UNC13A: variants seen among roughly 807,000 people sequenced by gnomAD.
UNC13A encodes the protein unc-13 homolog A, also known as protein unc-13 homolog A.
A neutral mutation model predicts 219.7 loss-of-function variants in UNC13A; 61 were observed. The observed-to-expected ratio is 0.28, with a 90% CI of 0.23 to 0.34. The LOEUF (loss-of-function observed/expected upper bound fraction) is 0.34. Among genes scored for constraint, UNC13A ranks in the 10% least tolerant of loss-of-function variants. The pLI is 1.00. For missense variants in UNC13A, 1,476 were observed against 2,270.3 expected (o/e 0.65, Z 7.11); for synonymous variants, 920 against 884.6 (o/e 1.04, Z -0.71).
intron 43 of UNC13A, among the ~76,000 whole-genome samples, chr19:17,608,346 TTA>T (rs2076558260): frequency 7.7e-6 from 1 of 129,796 alleles, no homozygotes; most frequent in East Asian, 2.0e-4. Context: ...ATATATAATT[TTA>T]TATATAATAT....
At position 17,686,298 on chromosome 19, in the gene UNC13A, G is replaced by GCCCCCCC. The variant is rs533722538; in HGVS notation, c.22+1873_22+1879dup. ...CGTCAGAGTTAAGGGTGAGATCCCC[G>GCCCCCCC]CCCCCCCCCCCCCCCCCCCACTCCA... is the stretch of plus-strand genomic sequence containing the variant. On this transcript the variant is annotated intron_variant, in intron 1 of 43. Coordinates refer to ENST00000519716, the MANE Select transcript of UNC13A (RefSeq NM_001080421.3). Among the ~76,000 whole-genome samples the GCCCCCCC allele has an allele frequency of 3.0e-3, 244 of 81,716 alleles. 31 individuals carry two copies. Among genetic ancestry groups the GCCCCCCC allele is most frequent in the East Asian group, 5.2e-3 (3 of 574 alleles). 53.6% of individuals were successfully genotyped at this position (81,716 alleles called of 152,430 possible).
At position 17,641,554 on chromosome 19, in the gene UNC13A, G is replaced by C; in HGVS notation, c.2475C>G (p.Asn825Lys). ...GCACGTCGGTCACGAAGTGGAACAGGTTCTGCCACCATGGGAGAGAAAGTG... is the reference window on the plus strand; with the variant it reads ...GCACGTCGGTCACGAAGTGGAACAGCTTCTGCCACCATGGGAGAGAAAGTG... ...YHVQYTCLHE[N>K]LFHFVTDVQN... Residue 825 changes from asparagine to lysine, a missense_variant and splice_region_variant, in exon 21 of 44, where the codon AAC becomes AAG. Around this residue, in one of 14 missense-constraint regions of UNC13A, gnomAD observed 140 missense variants for 270.9 expected, o/e 0.52. Coordinates refer to ENST00000519716, the MANE Select transcript of UNC13A (RefSeq NM_001080421.3). 2 of 1,613,934 alleles carry C rather than the reference G, an allele frequency of 1.2e-6. No homozygotes were observed. Among genetic ancestry groups the C allele is most frequent in the Non-Finnish European group, 1.7e-6 (2 of 1,179,852 alleles).
intron 42 of UNC13A, 61 bp downstream of exon 42, chr19:17,611,702 C>T (rs1360347379): frequency 5.4e-6 from 8 of 1,474,576 alleles, no homozygotes; most frequent in Non-Finnish European, 5.7e-6. Context: ...TTGCTTAAGC[C>T]AGTTTGAGTT....
intron 41 of UNC13A, chr19:17,616,383 G>A (rs867086143): frequency 2.9e-6 from 2 of 691,760 alleles, no homozygotes; most frequent in South Asian, 3.0e-5. Context: ...GGCGCGGGCG[G>A]CGGGCGGGAG....
chr19:17,610,686 C>G (rs1381269642), intron 42 of UNC13A, among the ~76,000 whole-genome samples: 2 of 152,134 alleles, frequency 1.3e-5, no homozygotes, highest in Non-Finnish European at 2.9e-5. Flanking sequence ...TAGCCGCAGT[C>G]TGCAATGCTT....
intron 31 of UNC13A, among the ~76,000 whole-genome samples, chr19:17,628,638 T>C (rs2076809566): frequency 6.6e-6 from 1 of 152,102 alleles, no homozygotes; most frequent in Non-Finnish European, 1.5e-5. Flanking sequence ...ATGTGTTGTA[T>C]AGTTGAACAC....
chr19:17,676,055 C>G lies in UNC13A; in HGVS notation c.23-14G>C. The G allele has an allele frequency of 6.4e-7, 1 of 1,551,282 alleles. No homozygotes were observed. The highest frequency in any genetic ancestry group is 1.4e-5 in the African/African-American group (1 of 72,930). ...TGGCTTTTTTGACTGTGGAGAGAGA[C>G]AGAGATAGGGAAGGGAGGTGGGGAG... On this transcript the variant is annotated splice_polypyrimidine_tract_variant and intron_variant, in intron 1 of 43. Coordinates refer to ENST00000519716, the MANE Select transcript of UNC13A (RefSeq NM_001080421.3).
At chr19:17,626,507 G>A (rs1231039502) in intron 34 of UNC13A, 126 bp downstream of exon 34, 2 of 1,043,676 alleles carry the variant, frequency 1.9e-6, no homozygotes, top group African/African-American at 3.2e-5. Flanking sequence ...CATCTACTCA[G>A]CCATCCAACT....
Position 17,605,735 on chromosome 19 carries a change from T to G in UNC13A, c.*319A>C. ...GCCTCCCGGTACCAGAGCCCCGGGA[T>G]GTGGCCTCCTCCATAGGGACGAGGT... On this transcript the variant is annotated 3_prime_UTR_variant, in exon 44 of 44. Transcript: ENST00000519716. 1.4e-5 allele frequency: 4 copies of G among 294,242 alleles called. No individual in the cohort carries two copies. Among genetic ancestry groups the G allele is most frequent in the Non-Finnish European group, 1.9e-5 (3 of 159,772 alleles). The allele number at this position is 294,242 out of a possible 1,614,324, so 18.2% of individuals were successfully genotyped here.
intron 17 of UNC13A, among the ~76,000 whole-genome samples, 176 bp from the exon 18 acceptor site, chr19:17,646,287 G>C (rs1448201260): frequency 6.6e-6 from 1 of 151,998 alleles, no homozygotes; most frequent in African/African-American, 2.4e-5. Context: ...TTGTTTGTTT[G>C]TTTGTTTTTG....
chr19:17,631,550 A>G (rs1463981585), intron 28 of UNC13A, among the ~76,000 whole-genome samples: 2 of 151,958 alleles, frequency 1.3e-5, no homozygotes, highest in Non-Finnish European at 2.9e-5. Flanking sequence ...CTTGTACAAC[A>G]GAAGACTAGC....
rs561020979 is a variant in UNC13A, at chr19:17,613,524, T to G, written c.4559-1669A>C. ...CCAATAGTGGCCCTTTCCAATAGGT[T>G]ACTATTACCTCTCCCCACTCACCCC... On this transcript the variant is annotated intron_variant, in intron 41 of 43. Transcript: ENST00000519716. Among the ~76,000 whole-genome samples, 23 of 152,108 alleles carry G rather than the reference T, an allele frequency of 1.5e-4. No individual in the cohort carries two copies. In the South Asian group the frequency reaches 4.4e-3, roughly 29 times the overall value.
intron 6 of UNC13A, among the ~76,000 whole-genome samples, chr19:17,667,622 C>T (rs1273118152): frequency 2.0e-5 from 3 of 151,822 alleles, no homozygotes; most frequent in South Asian, 2.1e-4. Flanking sequence ...GACAGGCGCC[C>T]GCCACCATGC....
Position 17,655,820 on chromosome 19 carries a change from A to C in UNC13A, c.1283+63T>G. 3.4e-6 allele frequency: 5 copies of C among 1,455,842 alleles called. No homozygotes were observed. The Middle Eastern group carries it at 5.7e-4, about 166-fold the overall frequency. The allele number at this position is 1,455,842 out of a possible 1,614,324, so 90.2% of individuals were successfully genotyped here. On this transcript the variant is annotated intron_variant, in intron 10 of 43. Transcript: ENST00000519716. ...TTCCCAGGTCCACGCTGACCCCATC[A>C]TAGCCCTGCTGACCCTGTGACCTTG...
At chr19:17,629,213 G>C (rs1485226624) in intron 31 of UNC13A, 27 bp downstream of exon 31, 3 of 1,579,516 alleles carry the variant, frequency 1.9e-6, no homozygotes, top group Non-Finnish European at 2.6e-6. Context: ...TGAGGAGGGA[G>C]ATAGGTCAGG....
At chr19:17,607,571 C>T (rs1385708796) in intron 43 of UNC13A, among the ~76,000 whole-genome samples, 1 of 146,888 alleles carries the variant, frequency 6.8e-6, no homozygotes, top group Non-Finnish European at 1.5e-5. Context: ...AGCCACCGCG[C>T]CTGGCCCATA....
intron 35 of UNC13A, among the ~76,000 whole-genome samples, chr19:17,624,339 G>A (rs780813088): frequency 9.9e-5 from 15 of 151,858 alleles, no homozygotes; most frequent in Non-Finnish European, 1.8e-4. Context: ...GGCTGGTCTC[G>A]AACTCCTGAC....
chr19:17,688,085 C>T (rs1161231044), intron 1 of UNC13A, 93 bp downstream of exon 1: 14 of 1,436,738 alleles, frequency 9.7e-6, no homozygotes, highest in Non-Finnish European at 1.3e-5. Context: ...ACTCGGGTCA[C>T]CCCCCAGGAA....
chr19:17,614,156 C>T (rs1295590479), intron 41 of UNC13A: 3 of 151,988 alleles, frequency 2.0e-5, no homozygotes, highest in Admixed American at 1.3e-4. Context: ...CAGGCATCCA[C>T]CAACACGCCT....
Sources: allele counts gnomAD v4.1 joint callset (sites outside exome capture counted in the v4.1 genomes callset), GRCh38; gene constraint gnomAD v4.1.1; regional missense constraint gnomAD v4.1.1; transcripts MANE v1.5; gene names NCBI Gene and HGNC (gene_info 2026-07-23, HGNC 2026-07-21).